Variants in SCOC observed in about 807,000 individuals in gnomAD.
The protein encoded by SCOC is short coiled coil protein.
SCOC carries 7 observed loss-of-function variants against 9.9 expected under a neutral mutation model. The ratio of observed to expected loss-of-function variants is 0.71; its 90% CI spans 0.40 to 1.33. SCOC has a LOEUF of 1.33. Ranked by LOEUF, SCOC falls within the 40% of genes most tolerant of loss-of-function variation. The probability of loss-of-function intolerance (pLI) is 0.01; values close to 1 mark genes in which losing one functional copy is unlikely to be tolerated. For synonymous variants in SCOC, 19 were observed against 28.2 expected (o/e 0.67, Z 1.03); for missense variants, 66 against 89.7 (o/e 0.74, Z 1.07).
At chr4:140,285,826 C>T (rs1329536823) in intron 1 of SCOC, among the ~76,000 whole-genome samples, 1 of 152,142 alleles carries the variant, frequency 6.6e-6, no homozygotes, top group Non-Finnish European at 1.5e-5. Context: ...CCATGCATCT[C>T]TATGAAGGCA....
At chr4:140,343,933 T>A (rs1451462409) in intron 2 of SCOC, among the ~76,000 whole-genome samples, 1 of 105,662 alleles carries the variant, frequency 9.5e-6, no homozygotes, top group African/African-American at 2.7e-5. Context: ...ATGTACTTTT[T>A]AAAATAAATA....
At chr4:140,272,504 T>A (rs1455164547) in intron 1 of SCOC, among the ~76,000 whole-genome samples, 1 of 152,212 alleles carries the variant, frequency 6.6e-6, no homozygotes, top group African/African-American at 2.4e-5. Context: ...CTTTAATACC[T>A]TTGTTATCAG....
At position 140,383,081 on chromosome 4, in the gene SCOC, A is replaced by G. The variant is rs970032579; in HGVS notation, c.*1977A>G. 2 of 152,260 alleles carry G rather than the reference A, an allele frequency of 1.3e-5. No homozygotes were observed. The highest frequency in any genetic ancestry group is 1.9e-4 in the East Asian group (1 of 5,202). 9.4% of individuals were successfully genotyped at this position (152,260 alleles called of 1,614,324 possible). On this transcript the variant is annotated 3_prime_UTR_variant, in exon 4 of 4. Transcript: ENST00000608372. ...TGGGCTGTGCCTGGAAATGGCTCAT[A>G]TATCTTCTCATATTCCAGTGGTGTG... is the stretch of plus-strand genomic sequence containing the variant.
intron 2 of SCOC, among the ~76,000 whole-genome samples, chr4:140,345,002 A>G (rs1190060876): frequency 6.6e-6 from 1 of 151,390 alleles, no homozygotes; most frequent in Non-Finnish European, 1.5e-5. Flanking sequence ...CACCCCTTCA[A>G]CTCTCCCCTC....
chr4:140,373,918 C>T (rs1037672878), intron 1 of SCOC: 2 of 710,542 alleles, frequency 2.8e-6, no homozygotes, highest in Admixed American at 2.0e-5. Flanking sequence ...ACCTCTTTTT[C>T]TCCTGTTTTC....
intron 1 of SCOC, among the ~76,000 whole-genome samples, chr4:140,317,704 AT>A: frequency 8.0e-6 from 1 of 124,806 alleles, no homozygotes; most frequent in South Asian, 2.5e-4. Context: ...TATTATTATT[AT>A]TTTTAATTAT....
intron 1 of SCOC, chr4:140,373,940 C>T: frequency 1.4e-6 from 1 of 693,088 alleles, no homozygotes; most frequent in South Asian, 1.5e-5. Context: ...TTGTCAGGCC[C>T]AGGCGTTCTT....
upstream of SCOC, among the ~76,000 whole-genome samples, chr4:140,372,884 C>T (rs577221974): frequency 8.3e-4 from 126 of 152,336 alleles, no homozygotes; most frequent in African/African-American, 2.9e-3. Flanking sequence ...GAACACTCCA[C>T]TCTTGATACC....
At chr4:140,378,978 AC>A (rs1194736490) in intron 1 of SCOC, 142 bp from the exon 2 acceptor site, 3 of 597,174 alleles carry the variant, frequency 5.0e-6, no homozygotes, top group Non-Finnish European at 9.1e-6. Flanking sequence ...TTGCTTATTT[AC>A]CCATTAGGCA....
At chr4:140,306,829 A>G (rs1371326227) in intron 1 of SCOC, among the ~76,000 whole-genome samples, 1 of 152,240 alleles carries the variant, frequency 6.6e-6, no homozygotes, top group Admixed American at 6.5e-5. Context: ...GTATTTGTAG[A>G]TGATTCTCAA....
rs1027093864 is a variant in SCOC at position 140,383,815 on chromosome 4, C to T, written c.*2711C>T. On this transcript the variant is annotated 3_prime_UTR_variant, in exon 4 of 4. Transcript: ENST00000608372. Reference sequence around the variant, plus strand: ...TCAGTGTGCTTCTGATTGCATATGCCGAGGAACCACAACCAAGCTTTTGAC... The same window carrying T: ...TCAGTGTGCTTCTGATTGCATATGCTGAGGAACCACAACCAAGCTTTTGAC... 3 of 152,132 alleles carry T rather than the reference C, an allele frequency of 2.0e-5. No homozygotes were observed. The highest frequency in any genetic ancestry group is 4.4e-5 in the Non-Finnish European group (3 of 68,040). 9.4% of individuals were successfully genotyped at this position (152,132 alleles called of 1,614,324 possible).
chr4:140,350,624 A>C (rs950393097), intron 2 of SCOC, among the ~76,000 whole-genome samples: 2 of 152,206 alleles, frequency 1.3e-5, no homozygotes, highest in Admixed American at 6.5e-5. Context: ...AAGAATTGGC[A>C]CAGGGGAGTG....
chr4:140,279,542 G>A (rs549064322), intron 1 of SCOC, among the ~76,000 whole-genome samples: 3 of 152,190 alleles, frequency 2.0e-5, no homozygotes, highest in South Asian at 2.1e-4. Context: ...TACTAGATTG[G>A]AACATAAGAG....
Position 140,379,178 on chromosome 4 carries a change from A to G in SCOC, c.8A>G (p.Asn3Ser), listed in dbSNP as rs1253461663. The G allele has an allele frequency of 3.1e-6, 5 of 1,605,310 alleles. No homozygotes were observed. The highest frequency in any genetic ancestry group is 2.6e-6 in the Non-Finnish European group (3 of 1,172,202). MMNADMDAVDAEN... is the reference protein window; with the variant it reads MMSADMDAVDAEN... ...AAAAGTTTGTTACCCAAGATGATGA[A>G]TGCTGACATGGATGGTATGTTCTTC... Residue 3 changes from asparagine (N) to serine (S), a missense_variant, in exon 2 of 4, where the codon AAT becomes AGT. Transcript: ENST00000608372.
intron 1 of SCOC, among the ~76,000 whole-genome samples, chr4:140,286,303 G>A (rs987342117): frequency 6.6e-6 from 1 of 151,694 alleles, no homozygotes; most frequent in African/African-American, 2.4e-5. Context: ...CCAGCCCACC[G>A]TTTTTACTGG....
chr4:140,317,037 C>T (rs568540441), intron 1 of SCOC, among the ~76,000 whole-genome samples: 6 of 152,256 alleles, frequency 3.9e-5, no homozygotes, highest in Non-Finnish European at 8.8e-5. Flanking sequence ...TCGTTGTTTT[C>T]GTCTGTTCCA....
At chr4:140,274,678 C>G (rs1178928909) in intron 1 of SCOC, among the ~76,000 whole-genome samples, 1 of 152,204 alleles carries the variant, frequency 6.6e-6, no homozygotes, top group East Asian at 1.9e-4. Context: ...CTAATTAACT[C>G]AGAATCTTCT....
At chr4:140,366,662 T>C (rs764686566) in intron 2 of SCOC, 9 of 1,601,800 alleles carry the variant, frequency 5.6e-6, no homozygotes, top group East Asian at 4.5e-5. Flanking sequence ...TGGTGGGCTC[T>C]GTGTGGAAAC....
At chr4:140,335,163 C>A in intron 1 of SCOC, among the ~76,000 whole-genome samples, 1 of 151,968 alleles carries the variant, frequency 6.6e-6, no homozygotes, top group Non-Finnish European at 1.5e-5. Flanking sequence ...ACACAATATG[C>A]ATATTAATCA....
Sources: gnomAD v4.1 joint callset for allele counts (sites outside exome capture counted in the v4.1 genomes callset) on GRCh38, gnomAD v4.1.1 for gene constraint, MANE v1.5 for transcripts, NCBI Gene and HGNC (gene_info 2026-07-23, HGNC 2026-07-21) for gene names.